Variants in AUTS2 observed in about 807,000 individuals in gnomAD.
The protein encoded by AUTS2 is activator of transcription and developmental regulator AUTS2.
A neutral mutation model predicts 112.4 loss-of-function variants in AUTS2; 17 were observed. The observed-to-expected ratio is 0.15, with a 90% CI of 0.10 to 0.23. AUTS2 has a LOEUF of 0.23. Ranked by LOEUF, AUTS2 falls within the 10% of genes least tolerant of loss-of-function variation. The pLI, the probability that AUTS2 is intolerant of heterozygous loss-of-function variation, is 1.00. For missense variants in AUTS2, 1,510 were observed against 1,701.6 expected (o/e 0.89, Z 1.98); for synonymous variants, 751 against 702.7 (o/e 1.07, Z -1.09).
chr7:70,536,335 C>T (rs1400983060), intron 5 of AUTS2, among the ~76,000 whole-genome samples: 1 of 152,056 alleles, frequency 6.6e-6, no homozygotes, highest in African/African-American at 2.4e-5. Flanking sequence ...GGCATCATTA[C>T]ATAGAGACAC....
Position 70,790,624 on chromosome 7 carries a change from T to C in AUTS2, c.3408T>C (p.Ser1136=). 6.2e-7 allele frequency: 1 copy of C among 1,611,124 alleles called. No homozygotes were observed. Among genetic ancestry groups the C allele is most frequent in the Non-Finnish European group, 8.5e-7 (1 of 1,179,144 alleles). Residue 1136 remains serine, a synonymous_variant, in exon 19 of 19, where the codon TCT becomes TCC. Transcript: ENST00000342771. The surrounding 1 kb of genome is among the most constrained non-coding windows in gnomAD (Gnocchi z 7.6). ...ACCACCACCACCACCACCCGCTGTC[T>C]GTGGACCCTCGGCGGGAGCACGAGC... ...HHHHHHHHPL[S]VDPRREHERG...
At chr7:70,131,324 G>A (rs1382715457) in intron 3 of AUTS2, among the ~76,000 whole-genome samples, 1 of 152,110 alleles carries the variant, frequency 6.6e-6, no homozygotes, top group Non-Finnish European at 1.5e-5. Flanking sequence ...TCGCATGCCT[G>A]TAGTCCAGCT....
At position 70,694,572 on chromosome 7, in the gene AUTS2, C is replaced by G. The variant is rs910298960; in HGVS notation, c.691-3997C>G. On this transcript the variant is annotated intron_variant, in intron 5 of 18. Coordinates refer to ENST00000342771, the MANE Select transcript of AUTS2 (RefSeq NM_015570.4). This position sits in a 1 kb window ranked among gnomAD's most constrained non-coding sequence, Gnocchi z 4.1. ...TGTCCTGTCGCCGCCGCCGCCGCCTCGCTCTTAGCTCCGCGCGCCGCGGCG... is the reference window on the plus strand; with the variant it reads ...TGTCCTGTCGCCGCCGCCGCCGCCTGGCTCTTAGCTCCGCGCGCCGCGGCG... 6.7e-6 allele frequency: 1 copy of G among 148,644 alleles called. No homozygotes were observed. The highest frequency in any genetic ancestry group is 1.5e-5 in the Non-Finnish European group (1 of 66,930). The allele number at this position is 148,644 out of a possible 1,614,324, so 9.2% of individuals were successfully genotyped here.
rs114641014 is a variant in AUTS2, at chr7:70,766,787, T to C, written c.1689+453T>C. 6.6e-6 allele frequency among the ~76,000 whole-genome samples: 1 copy of C among 152,202 alleles called. No homozygotes were observed. Among genetic ancestry groups the C allele is most frequent in the Admixed American group, 6.5e-5 (1 of 15,282 alleles). On this transcript the variant is annotated intron_variant, in intron 9 of 18. Coordinates refer to ENST00000342771, the MANE Select transcript of AUTS2 (RefSeq NM_015570.4). The surrounding 1 kb of genome is among the most constrained non-coding windows in gnomAD (Gnocchi z 4.8). ...CCTCTGCCAGGAGGCTGGGACTGCA[T>C]TGGGTGCCACCTGTGCATTCCGATG...
intron 4 of AUTS2, among the ~76,000 whole-genome samples, chr7:70,270,605 G>A (rs943364069): frequency 1.1e-4 from 16 of 152,108 alleles, no homozygotes; most frequent in South Asian, 4.2e-4. Flanking sequence ...GAAAGTGATC[G>A]GATCTGATTT....
rs191036188 is a variant in AUTS2, at chr7:70,361,316, G to C, written c.661-74436G>C. On this transcript the variant is annotated intron_variant, in intron 4 of 18. Coordinates refer to ENST00000342771, the MANE Select transcript of AUTS2 (RefSeq NM_015570.4). Reference sequence around the variant, plus strand: ...CCACTGCACTCCAGCCTGGGTAACAGAGCGAGACTCCGTCTGAAAAAAAAA... The same window carrying C: ...CCACTGCACTCCAGCCTGGGTAACACAGCGAGACTCCGTCTGAAAAAAAAA... Among the ~76,000 whole-genome samples the C allele has an allele frequency of 2.4e-3, 370 of 151,890 alleles. 1 individual carries two copies. The highest frequency in any genetic ancestry group is 8.5e-3 in the African/African-American group (352 of 41,432).
chr7:70,453,406 A>G (rs942906921), intron 5 of AUTS2, among the ~76,000 whole-genome samples: 1 of 152,216 alleles, frequency 6.6e-6, no homozygotes, highest in Admixed American at 6.5e-5. Context: ...CTACAGAGCA[A>G]TGTAACATAG....
chr7:69,774,716 G>A (rs1788818981), intron 1 of AUTS2, among the ~76,000 whole-genome samples: 1 of 152,218 alleles, frequency 6.6e-6, no homozygotes, highest in South Asian at 2.1e-4. Context: ...AACAAATAGT[G>A]TACTTAGAGC....
chr7:69,754,420 G>A (rs536781713), intron 1 of AUTS2, among the ~76,000 whole-genome samples: 1 of 152,210 alleles, frequency 6.6e-6, no homozygotes, highest in African/African-American at 2.4e-5. Flanking sequence ...GGATTTGTAT[G>A]TGAGGCTTTT....
At chr7:70,557,758 A>C (rs1344469458) in intron 5 of AUTS2, among the ~76,000 whole-genome samples, 1 of 152,178 alleles carries the variant, frequency 6.6e-6, no homozygotes, top group African/African-American at 2.4e-5. Context: ...GGGAGCAGTC[A>C]GATCTGATGC....
chr7:69,993,404 C>T (rs1437323346), intron 2 of AUTS2, among the ~76,000 whole-genome samples: 2 of 152,062 alleles, frequency 1.3e-5, no homozygotes, highest in Non-Finnish European at 2.9e-5. Flanking sequence ...GCTACTGTTA[C>T]CAAAGAGTGA....
intron 14 of AUTS2, among the ~76,000 whole-genome samples, chr7:70,781,063 C>T (rs998299653): frequency 6.6e-6 from 1 of 152,048 alleles, no homozygotes; most frequent in African/African-American, 2.4e-5. Flanking sequence ...AGCCATTAAC[C>T]TTGAAGACCA....
chr7:70,066,845 T>G (rs2129561713), intron 2 of AUTS2, among the ~76,000 whole-genome samples: 1 of 152,318 alleles, frequency 6.6e-6, no homozygotes, highest in South Asian at 2.1e-4. Flanking sequence ...TGGCCCCCAG[T>G]AAATAATTTT....
At chr7:70,395,791 TA>T (rs1272445506) in intron 4 of AUTS2, among the ~76,000 whole-genome samples, 1 of 152,192 alleles carries the variant, frequency 6.6e-6, no homozygotes, top group East Asian at 1.9e-4. Flanking sequence ...CCCAACTCTT[TA>T]ACTAGCTGTA....
In AUTS2 at chr7:70,563,088, C is replaced by T. The variant is rs73177748; in HGVS notation, c.690+127307C>T. ...GTAAAACTAAAATCTAAAAGTGGAG[C>T]TATGTAAAGATGGAATAGACTGCCT... On this transcript the variant is annotated intron_variant, in intron 5 of 18. Coordinates refer to ENST00000342771, the MANE Select transcript of AUTS2 (RefSeq NM_015570.4). 1.0e-2 allele frequency among the ~76,000 whole-genome samples: 1,517 copies of T among 152,134 alleles called. 9 individuals carry two copies. The highest frequency in any genetic ancestry group is 0.016 in the Non-Finnish European group (1,076 of 67,990).
intron 1 of AUTS2, among the ~76,000 whole-genome samples, chr7:69,852,742 C>G (rs540603694): frequency 6.6e-6 from 1 of 152,118 alleles, no homozygotes; most frequent in South Asian, 2.1e-4. Context: ...TGTGAGCCAC[C>G]GTGCCCGGCC....
At chr7:70,296,737 A>G (rs1178289747) in intron 4 of AUTS2, among the ~76,000 whole-genome samples, 1 of 152,122 alleles carries the variant, frequency 6.6e-6, no homozygotes, top group Non-Finnish European at 1.5e-5. Context: ...ATCATTGTGT[A>G]CATCTGTCAG....
intron 4 of AUTS2, among the ~76,000 whole-genome samples, chr7:70,247,079 A>G (rs2129602701): frequency 6.6e-6 from 1 of 152,302 alleles, no homozygotes. Context: ...TGTTCATAGC[A>G]GCACTATTCA....
intron 2 of AUTS2, among the ~76,000 whole-genome samples, chr7:69,959,804 G>A (rs554635899): frequency 6.6e-6 from 1 of 152,146 alleles, no homozygotes; most frequent in African/African-American, 2.4e-5. Flanking sequence ...TGGAAAAATT[G>A]TTTTGTCTTA....
Sources: allele counts gnomAD v4.1 joint callset (sites outside exome capture counted in the v4.1 genomes callset), GRCh38; gene constraint gnomAD v4.1.1; non-coding constraint Gnocchi (gnomAD v3.1); transcripts MANE v1.5; gene names NCBI Gene and HGNC (gene_info 2026-07-23, HGNC 2026-07-21).